Variants in GALNT2 observed in about 807,000 individuals in gnomAD.
The protein encoded by GALNT2 is UDP-GalNAc:polypeptide N-acetylgalactosaminyltransferase 2.
A neutral mutation model predicts 81.4 loss-of-function variants in GALNT2; 31 were observed. That is an observed-to-expected ratio of 0.38 (90% confidence interval 0.29 to 0.51). The LOEUF is 0.51. GALNT2 is among the 20% of genes least tolerant of loss of function. The pLI is 0.87. For synonymous variants in GALNT2, 303 were observed against 287.4 expected (o/e 1.05, Z -0.55); for missense variants, 629 against 765.7 (o/e 0.82, Z 2.11).
intron 3 of GALNT2, among the ~76,000 whole-genome samples, chr1:230,208,471 T>A (rs1346722680): frequency 1.3e-5 from 2 of 151,812 alleles, no homozygotes; most frequent in African/African-American, 4.8e-5. Context: ...GTTTTGTAGG[T>A]GGTGGGATAT....
intron 1 of GALNT2, among the ~76,000 whole-genome samples, chr1:230,114,678 C>T (rs1470712100): frequency 6.6e-6 from 1 of 152,118 alleles, no homozygotes; most frequent in East Asian, 1.9e-4. Context: ...CCAGTAAACG[C>T]ACTCAGCTCA....
At chr1:230,136,298 C>A (rs1661536433) in intron 1 of GALNT2, among the ~76,000 whole-genome samples, 1 of 152,172 alleles carries the variant, frequency 6.6e-6, no homozygotes, top group African/African-American at 2.4e-5. Flanking sequence ...TGCTTCTGGT[C>A]TGACTGTCCC....
At chr1:230,111,740 G>A (rs1450060868) in intron 1 of GALNT2, among the ~76,000 whole-genome samples, 12 of 152,080 alleles carry the variant, frequency 7.9e-5, no homozygotes, top group Non-Finnish European at 4.4e-5. Flanking sequence ...TGGTTCACTC[G>A]GGAAATTTTT....
Position 230,279,453 on chromosome 1 carries a change from C to T in GALNT2, c.1711C>T (p.Gln571Ter), listed in dbSNP as rs201539108. Reference sequence around the variant, plus strand: ...GTGGAAGTTCACGCTCAACCTGCAGCAGTAGGAGGGTCCGGGAGGCCCTGC... The same window carrying T: ...GTGGAAGTTCACGCTCAACCTGCAGTAGTAGGAGGGTCCGGGAGGCCCTGC... ...QQWKFTLNLQ[Q>*] The change falls in exon 16 of 16, where the codon CAG becomes TAG. Residue 571 changes from glutamine to a stop codon, truncating the protein, a stop_gained. Coordinates refer to ENST00000366672, the MANE Select transcript of GALNT2 (RefSeq NM_004481.5). LOFTEE classifies it high-confidence loss of function. The surrounding 1 kb of genome is among the most constrained non-coding windows in gnomAD (Gnocchi z 4.6). 1.9e-6 allele frequency: 3 copies of T among 1,613,624 alleles called. No individual in the cohort carries two copies. The highest frequency in any genetic ancestry group is 2.5e-6 in the Non-Finnish European group (3 of 1,179,734).
intron 15 of GALNT2, among the ~76,000 whole-genome samples, chr1:230,278,116 T>C (rs4846946): frequency 3.8e-4 from 57 of 149,622 alleles, no homozygotes; most frequent in African/African-American, 7.1e-4. Flanking sequence ...TTCTTTCTTT[T>C]TTTTTTTTTT....
chr1:230,165,373 G>A (rs1016160666), intron 1 of GALNT2, among the ~76,000 whole-genome samples: 2 of 152,182 alleles, frequency 1.3e-5, no homozygotes, highest in Admixed American at 6.5e-5. Flanking sequence ...AGAAATTAAC[G>A]TTGTATTGGT....
intron 1 of GALNT2, among the ~76,000 whole-genome samples, chr1:230,159,175 C>T (rs1474319342): frequency 6.6e-6 from 1 of 152,216 alleles, no homozygotes; most frequent in Non-Finnish European, 1.5e-5. Flanking sequence ...TACCCCTGCC[C>T]TATTGGCTGC....
chr1:230,197,834 G>A (rs928978108), intron 2 of GALNT2, among the ~76,000 whole-genome samples: 4 of 152,102 alleles, frequency 2.6e-5, no homozygotes, highest in Non-Finnish European at 5.9e-5. Flanking sequence ...ATCCTTATCA[G>A]TGACACAGCA....
intron 2 of GALNT2, 58 bp from the exon 3 acceptor site, chr1:230,203,079 G>C: frequency 6.4e-7 from 1 of 1,557,320 alleles, no homozygotes; most frequent in Non-Finnish European, 8.8e-7. Context: ...TGCAGTCTCT[G>C]TGATGAGCAC....
At chr1:230,228,560 GAAA>G (rs774507443) in intron 3 of GALNT2, among the ~76,000 whole-genome samples, 2 of 150,452 alleles carry the variant, frequency 1.3e-5, no homozygotes, top group African/African-American at 4.9e-5. Context: ...TATCTACACA[GAAA>G]AAAAAAGAGA....
chr1:230,129,589 G>T (rs776134708), intron 1 of GALNT2, among the ~76,000 whole-genome samples: 4 of 152,262 alleles, frequency 2.6e-5, no homozygotes, highest in Non-Finnish European at 4.4e-5. Context: ...CAAAGTCCTG[G>T]TGTTATAGAA....
chr1:230,150,468 A>T (rs1361550070), intron 1 of GALNT2, among the ~76,000 whole-genome samples: 1 of 152,142 alleles, frequency 6.6e-6, no homozygotes, highest in Non-Finnish European at 1.5e-5. Context: ...AACTCCTTCC[A>T]CTTCCTCTTT....
intron 2 of GALNT2, among the ~76,000 whole-genome samples, chr1:230,191,521 CTGT>C (rs965383988): frequency 1.3e-5 from 2 of 151,680 alleles, no homozygotes; most frequent in South Asian, 2.1e-4. Flanking sequence ...TTTTTTGTTT[CTGT>C]TGTTGTTTTG....
chr1:230,129,058 C>A (rs966359570), intron 1 of GALNT2, among the ~76,000 whole-genome samples: 2 of 152,236 alleles, frequency 1.3e-5, no homozygotes, highest in East Asian at 3.8e-4. Flanking sequence ...CCGCCGCTAG[C>A]GACGCATCAG....
At chr1:230,091,334 A>T (rs1048388683) in intron 1 of GALNT2, among the ~76,000 whole-genome samples, 1 of 151,938 alleles carries the variant, frequency 6.6e-6, no homozygotes, top group African/African-American at 2.4e-5. Flanking sequence ...TTGGCCTCCC[A>T]AAGTGCTGGG....
intron 1 of GALNT2, among the ~76,000 whole-genome samples, chr1:230,123,442 G>C (rs1031322827): frequency 6.6e-6 from 1 of 152,192 alleles, no homozygotes; most frequent in African/African-American, 2.4e-5. Context: ...GGCACATGCA[G>C]GTTGGTCATG....
chr1:230,233,472 G>A (rs12401727), intron 3 of GALNT2, among the ~76,000 whole-genome samples: 19,166 of 152,150 alleles, frequency 0.13, 2,243 homozygotes, highest in East Asian at 0.57. Flanking sequence ...AATTAGCCAG[G>A]CATGGTGATG....
chr1:230,106,271 A>G (rs946958096), intron 1 of GALNT2, among the ~76,000 whole-genome samples: 1 of 152,198 alleles, frequency 6.6e-6, no homozygotes, highest in Non-Finnish European at 1.5e-5. Flanking sequence ...GGAGGATGGC[A>G]TGCAATTGCC....
At chr1:230,076,695 T>C (rs773892226) in intron 1 of GALNT2, among the ~76,000 whole-genome samples, 1 of 152,276 alleles carries the variant, frequency 6.6e-6, no homozygotes, top group East Asian at 1.9e-4. Flanking sequence ...GTGCTTTTCA[T>C]AGAGGCCATT....
Sources: allele counts gnomAD v4.1 joint callset (sites outside exome capture counted in the v4.1 genomes callset), GRCh38; gene constraint gnomAD v4.1.1; non-coding constraint Gnocchi (gnomAD v3.1); transcripts MANE v1.5; gene names NCBI Gene and HGNC (gene_info 2026-07-23, HGNC 2026-07-21).